The following CD99 variants were observed in gnomAD, a reference collection of about 807,000 sequenced individuals.
The protein encoded by CD99 is CD99 molecule (Xg blood group).
In CD99, 19 loss-of-function variants were observed where a neutral mutation model predicts 28.4. That is an observed-to-expected ratio of 0.67 (90% CI 0.47 to 0.98). The LOEUF is 0.98. CD99 is among the 50% of genes least tolerant of loss of function. CD99 has a pLI of 0.00. For synonymous variants in CD99, 103 were observed against 92.1 expected (o/e 1.12, Z -0.67); for missense variants, 283 against 248.8 (o/e 1.14, Z -0.92).
chrX:2,728,200 CTTTT>C (rs892410632), intron 8 of CD99, among the ~76,000 whole-genome samples: 4 of 106,974 alleles, frequency 3.7e-5, no homozygotes, highest in East Asian at 4.6e-4. Flanking sequence ...TTGGTTGTTT[CTTTT>C]TTTTTTTTTT....
At chrX:2,693,367 G>A (rs1299107199) in intron 1 of CD99, among the ~76,000 whole-genome samples, 1 of 151,996 alleles carries the variant, frequency 6.6e-6, no homozygotes, top group Non-Finnish European at 1.5e-5. Flanking sequence ...GAAGAGCAGT[G>A]GGATAGGGGC....
chrX:2,723,183 A>T, intron 6 of CD99, 131 bp from the exon 7 acceptor site: 1 of 912,156 alleles, frequency 1.1e-6, no homozygotes, highest in Non-Finnish European at 1.8e-6. Flanking sequence ...GCAGGACCCC[A>T]GCTCTGTAGC....
At chrX:2,724,214 G>A (rs1206948336) in intron 7 of CD99, among the ~76,000 whole-genome samples, 2 of 152,138 alleles carry the variant, frequency 1.3e-5, no homozygotes, top group African/African-American at 2.4e-5. Flanking sequence ...TCAGGCCATC[G>A]TTCTTGGCCT....
intron 3 of CD99, 194 bp from the exon 4 acceptor site, chrX:2,719,467 T>A: frequency 1.5e-6 from 1 of 647,618 alleles, no homozygotes; most frequent in Non-Finnish European, 2.8e-6. Flanking sequence ...TGTTTTTTCC[T>A]CTTTTTATCT....
At chrX:2,720,275 G>C (rs2048929858) in intron 4 of CD99, 81 bp from the exon 5 acceptor site, 2 of 1,283,824 alleles carry the variant, frequency 1.6e-6, no homozygotes, top group African/African-American at 2.9e-5. Context: ...TCTGTTCAGG[G>C]AACCATCTGT....
chrX:2,710,014 G>A (rs745978947), intron 1 of CD99, among the ~76,000 whole-genome samples: 13 of 152,326 alleles, frequency 8.5e-5, no homozygotes, highest in African/African-American at 3.1e-4. Context: ...TGTGAGGGAA[G>A]CATCGAGATC....
chrX:2,730,361 A>G (rs977423909), intron 8 of CD99, among the ~76,000 whole-genome samples: 2 of 151,932 alleles, frequency 1.3e-5, no homozygotes, highest in Non-Finnish European at 2.9e-5. Flanking sequence ...TTTAGTAGAG[A>G]CGGAGTTTTG....
chrX:2,701,316 C>T (rs2047852439), intron 1 of CD99, among the ~76,000 whole-genome samples: 1 of 151,376 alleles, frequency 6.6e-6, no homozygotes, highest in African/African-American at 2.4e-5. Flanking sequence ...TTCATGTATT[C>T]CTTCAGCCAG....
intron 7 of CD99, among the ~76,000 whole-genome samples, chrX:2,725,953 G>T (rs1381080572): frequency 2.6e-5 from 4 of 152,016 alleles, no homozygotes; most frequent in Admixed American, 2.6e-4. Flanking sequence ...TTTTGTCTCT[G>T]CCTTGGTTCT....
At chrX:2,713,392 C>G (rs1382613878) in intron 1 of CD99, among the ~76,000 whole-genome samples, 1 of 126,638 alleles carries the variant, frequency 7.9e-6, no homozygotes, top group Non-Finnish European at 1.6e-5. Flanking sequence ...TGCACATACA[C>G]AAACCCACAC....
At chrX:2,705,189 C>A (rs2048059570) in intron 1 of CD99, among the ~76,000 whole-genome samples, 1 of 152,212 alleles carries the variant, frequency 6.6e-6, no homozygotes, top group East Asian at 1.9e-4. Context: ...GCGCTGGACT[C>A]AGCGGTTAAA....
At chrX:2,711,973 C>T (rs186707233) in intron 1 of CD99, among the ~76,000 whole-genome samples, 16 of 152,102 alleles carry the variant, frequency 1.1e-4, no homozygotes, top group African/African-American at 3.1e-4. Context: ...ACCCAGGAGG[C>T]GGAGGTTGTA....
At chrX:2,731,969 G>T (rs1442620374) in intron 8 of CD99, among the ~76,000 whole-genome samples, 1 of 125,476 alleles carries the variant, frequency 8.0e-6, no homozygotes, top group East Asian at 2.1e-4. Context: ...TACAAAAAAC[G>T]TAAAAAAAAA....
chrX:2,726,360 C>T lies in CD99; in HGVS notation c.462C>T (p.Cys154=), dbSNP rs112153242. The change falls in exon 8 of 10, where the codon TGC becomes TGT. Residue 154 remains cysteine (C), a synonymous_variant. Coordinates refer to ENST00000381192, the MANE Select transcript of CD99 (RefSeq NM_002414.5). ...TTGCTTACCAGAAAAAGAAGCTATG[C>T]TTCAAAGAAAATGGTAAGTCTCAGT... ...SFIAYQKKKL[C]FKENAEQGEV... The T allele has an allele frequency of 8.1e-6, 13 of 1,605,088 alleles. No individual in the cohort carries two copies. The Admixed American group carries it at 2.2e-4, about 27-fold the overall frequency.
intron 8 of CD99, among the ~76,000 whole-genome samples, chrX:2,734,006 G>A (rs1397975744): frequency 1.3e-5 from 2 of 152,144 alleles, no homozygotes; most frequent in East Asian, 1.9e-4. Flanking sequence ...ACTGTAAGGC[G>A]TGTTGGGAAT....
chrX:2,706,020 A>G (rs1310953653), intron 1 of CD99, among the ~76,000 whole-genome samples: 1 of 151,680 alleles, frequency 6.6e-6, no homozygotes, highest in Non-Finnish European at 1.5e-5. Context: ...TTTTAGGGTC[A>G]GACCATGTGA....
chrX:2,699,327 G>T (rs748404101), intron 1 of CD99, among the ~76,000 whole-genome samples: 2 of 151,470 alleles, frequency 1.3e-5, no homozygotes, highest in African/African-American at 4.8e-5. Flanking sequence ...GCACCACCAC[G>T]CCTGGCTAAT....
intron 1 of CD99, among the ~76,000 whole-genome samples, chrX:2,709,907 C>A (rs778271264): frequency 3.3e-5 from 5 of 152,160 alleles, no homozygotes; most frequent in Admixed American, 1.3e-4. Context: ...CCTGGGTGGG[C>A]AAATGGCCCC....
At chrX:2,733,402 C>A in intron 8 of CD99, 1 of 1,587,744 alleles carries the variant, frequency 6.3e-7, no homozygotes, top group Non-Finnish European at 8.6e-7. Flanking sequence ...CCCAGGCCTG[C>A]GGAGCGTCCT....
Sources: allele counts gnomAD v4.1 joint callset (sites outside exome capture counted in the v4.1 genomes callset), GRCh38; gene constraint gnomAD v4.1.1; transcripts MANE v1.5; gene names NCBI Gene and HGNC (gene_info 2026-07-23, HGNC 2026-07-21).